WAPL: variants seen among roughly 807,000 people sequenced by gnomAD.
WAPL encodes WAPL cohesin release factor, also known as wings apart-like protein homolog.
In WAPL, 5 loss-of-function variants were observed where a neutral mutation model predicts 121.0. The ratio of observed to expected loss-of-function variants is 0.04; its 90% CI spans 0.02 to 0.09. WAPL has a LOEUF of 0.09. Among genes scored for constraint, WAPL ranks in the 10% least tolerant of loss-of-function variants. WAPL has a pLI of 1.00. For missense variants in WAPL, 999 were observed against 1,410.8 expected, an observed-to-expected ratio of 0.71 and a Z score of 4.68; for synonymous variants, 480 against 481.5, an observed-to-expected ratio of 1.00 and a Z score of 0.04.
chr10:86,496,337 G>T (rs775566502), intron 4 of WAPL, among the ~76,000 whole-genome samples: 3 of 152,132 alleles, frequency 2.0e-5, no homozygotes, highest in African/African-American at 4.8e-5. Flanking sequence ...ATATGTTGCT[G>T]GTAGCAATGT....
chr10:86,489,468 A>G (rs886736750), intron 4 of WAPL, among the ~76,000 whole-genome samples: 4 of 152,186 alleles, frequency 2.6e-5, no homozygotes, highest in African/African-American at 7.2e-5. Context: ...AATGGGCATC[A>G]TATCTGAAAT....
intron 4 of WAPL, among the ~76,000 whole-genome samples, chr10:86,489,798 G>A (rs915690602): frequency 6.7e-6 from 1 of 148,806 alleles, no homozygotes; most frequent in Non-Finnish European, 1.5e-5. Context: ...GGGGCCACTG[G>A]AATTCTTAAA....
At chr10:86,443,636 T>C (rs1849529595) in intron 16 of WAPL, 2 of 353,128 alleles carry the variant, frequency 5.7e-6, no homozygotes, top group South Asian at 5.4e-5. Context: ...AATGAGAAAA[T>C]ATATTTGCAA....
chr10:86,495,868 A>T (rs773691377), intron 4 of WAPL, among the ~76,000 whole-genome samples: 8 of 152,154 alleles, frequency 5.3e-5, no homozygotes, highest in African/African-American at 7.2e-5. Context: ...TAATCCCAGC[A>T]CTCTGGGACA....
chr10:86,438,059 A>G (rs1057464751), intron 17 of WAPL, 44 bp from the exon 18 acceptor site: 29 of 1,427,584 alleles, frequency 2.0e-5, no homozygotes, highest in Non-Finnish European at 2.8e-5. Flanking sequence ...GGCAGAAAAC[A>G]TGAGATTGCA....
chr10:86,469,453 CAT>C (rs1353225236), intron 8 of WAPL, among the ~76,000 whole-genome samples: 1 of 151,662 alleles, frequency 6.6e-6, no homozygotes, highest in African/African-American at 2.4e-5. Flanking sequence ...GGGGTTTCAC[CAT>C]GTTGCCCAGG....
intron 3 of WAPL, among the ~76,000 whole-genome samples, 178 bp downstream of exon 3, chr10:86,499,540 A>G (rs907961003): frequency 2.0e-5 from 3 of 152,212 alleles, no homozygotes; most frequent in Admixed American, 1.3e-4. Context: ...TAAGAATAGA[A>G]CAATGATTTT....
At chr10:86,509,161 G>C (rs1471181732) in intron 2 of WAPL, among the ~76,000 whole-genome samples, 1 of 152,022 alleles carries the variant, frequency 6.6e-6, no homozygotes, top group Non-Finnish European at 1.5e-5. Context: ...CGAATTAATT[G>C]TCTCTAATCA....
Position 86,472,185 on chromosome 10 carries a change from A to G in WAPL, c.2030+23T>C. 6.5e-7 allele frequency: 1 copy of G among 1,533,992 alleles called. No individual in the cohort carries two copies. On this transcript the variant is annotated intron_variant, in intron 7 of 18. Coordinates refer to ENST00000298767, the MANE Select transcript of WAPL (RefSeq NM_015045.5). The surrounding 1 kb of genome is among the most constrained non-coding windows in gnomAD (Gnocchi z 4.2). ...TTTAATACAGCATGCACATAATTGT[A>G]AAATATAAAAATAAGATCTTACCTA...
intron 15 of WAPL, among the ~76,000 whole-genome samples, 177 bp from the exon 16 acceptor site, chr10:86,446,626 G>A (rs561019665): frequency 4.8e-4 from 73 of 152,240 alleles, no homozygotes; most frequent in African/African-American, 1.6e-3. Context: ...AAGCCAAAAC[G>A]AAAGTATAAA....
chr10:86,448,632 C>T (rs1589494305), intron 15 of WAPL, among the ~76,000 whole-genome samples: 2 of 152,074 alleles, frequency 1.3e-5, no homozygotes, highest in Non-Finnish European at 2.9e-5. Context: ...ATTTACTTTT[C>T]GGACAGGGTC....
At position 86,517,973 on chromosome 10, in the gene WAPL, T is replaced by C. The variant is rs747690299; in HGVS notation, c.97A>G (p.Thr33Ala). ...VFSNKRTTLS[T>A]KWGETTFMAK... ...ATAAATGTGGTCTCTCCCCATTTTG[T>C]GCTAAGGGTAGTCCGTTTGTTGGAA... Residue 33 changes from threonine to alanine, a missense_variant, in exon 2 of 19, where the codon ACA (threonine) becomes GCA (alanine). Transcript: ENST00000298767. 1 of 1,614,114 alleles carries C rather than the reference T, an allele frequency of 6.2e-7. No individual in the cohort carries two copies. The highest frequency in any genetic ancestry group is 8.5e-7 in the Non-Finnish European group (1 of 1,180,048).
intron 4 of WAPL, among the ~76,000 whole-genome samples, chr10:86,483,587 C>T (rs1017907281): frequency 6.6e-6 from 1 of 151,534 alleles, no homozygotes; most frequent in Non-Finnish European, 1.5e-5. Flanking sequence ...ATTGTAAAAC[C>T]GCTTCAGACA....
chr10:86,446,206 T>C (rs372225341), intron 16 of WAPL, 36 bp downstream of exon 16: 26 of 1,605,186 alleles, frequency 1.6e-5, no homozygotes, highest in Non-Finnish European at 1.9e-5. Flanking sequence ...CAAACCACTA[T>C]CTTCAATTTA....
At chr10:86,463,517 TA>T (rs1258133247) in intron 9 of WAPL, among the ~76,000 whole-genome samples, 2 of 152,212 alleles carry the variant, frequency 1.3e-5, no homozygotes, top group Non-Finnish European at 2.9e-5. Context: ...TTTTAAAAGT[TA>T]AAAAATAATA....
chr10:86,487,102 C>T (rs1298158096), intron 4 of WAPL, among the ~76,000 whole-genome samples: 1 of 152,046 alleles, frequency 6.6e-6, no homozygotes, highest in African/African-American at 2.4e-5. Flanking sequence ...ACCAACCCCG[C>T]AAGCACTGAA....
chr10:86,451,504 C>T (rs1233769805), intron 15 of WAPL, among the ~76,000 whole-genome samples: 4 of 152,026 alleles, frequency 2.6e-5, no homozygotes, highest in Admixed American at 2.0e-4. Flanking sequence ...GATTCTCCTG[C>T]CTCTCAGCCT....
At chr10:86,449,051 C>A (rs141099280) in intron 15 of WAPL, among the ~76,000 whole-genome samples, 1 of 152,054 alleles carries the variant, frequency 6.6e-6, no homozygotes, top group African/African-American at 2.4e-5. Context: ...TTTTTTCCCC[C>A]ACTACGTATG....
At chr10:86,485,758 G>A (rs1841917768) in intron 4 of WAPL, among the ~76,000 whole-genome samples, 1 of 151,934 alleles carries the variant, frequency 6.6e-6, no homozygotes, top group South Asian at 2.1e-4. Context: ...CTTCTGGTTT[G>A]GAACAAACAC....
Sources: allele counts gnomAD v4.1 joint callset (sites outside exome capture counted in the v4.1 genomes callset), GRCh38; gene constraint gnomAD v4.1.1; non-coding constraint Gnocchi (gnomAD v3.1); transcripts MANE v1.5; gene names NCBI Gene and HGNC (gene_info 2026-07-23, HGNC 2026-07-21).